COL6A5: variants seen among roughly 807,000 people sequenced by gnomAD.
COL6A5 encodes the protein collagen type VI alpha 5 chain.
COL6A5 carries 48 observed loss-of-function variants against 65.6 expected under a neutral mutation model. The ratio of observed to expected loss-of-function variants is 0.73; its 90% CI spans 0.58 to 0.93. The LOEUF (loss-of-function observed/expected upper bound fraction) is 0.93. COL6A5 is among the 40% of genes least tolerant of loss of function. The pLI, the probability that COL6A5 is intolerant of heterozygous loss-of-function variation, is 0.00. For missense variants in COL6A5, 914 were observed against 928.3 expected (o/e 0.98, Z 0.20); for synonymous variants, 291 against 322.8 (o/e 0.90, Z 1.05).
chr3:130,414,102 T>C, exon 22 of COL6A5: 2 of 1,550,832 alleles, frequency 1.3e-6, no homozygotes, highest in South Asian at 1.2e-5. Context: ...TACAGGCACA[T>C]TGGGAGCTGA....
chr3:130,418,085 G>A (rs1559891671), intron 24 of COL6A5, among the ~76,000 whole-genome samples: 1 of 151,900 alleles, frequency 6.6e-6, no homozygotes, highest in Non-Finnish European at 1.5e-5. Context: ...AACAAGATAA[G>A]GCAATAGATA....
At chr3:130,406,367 C>CAA (rs1376517380) in intron 17 of COL6A5, 46 bp downstream of exon 17, 1 of 1,438,774 alleles carries the variant, frequency 7.0e-7, no homozygotes, top group Admixed American at 2.0e-5. Context: ...AATTTGGTGA[C>CAA]AGAGACAGTC....
chr3:130,484,311 A>C (rs1380300140), exon 8 of COL6A5: 1 of 497,796 alleles, frequency 2.0e-6, no homozygotes, highest in African/African-American at 1.9e-5. Context: ...ACCGACCTAT[A>C]AGAGTTAACT....
At chr3:130,484,170 A>C (rs1710319488) in exon 8 of COL6A5, 2 of 955,586 alleles carry the variant, frequency 2.1e-6, no homozygotes, top group African/African-American at 3.4e-5. Context: ...TTTCACAAAA[A>C]CAATTGGCTA....
chr3:130,449,852 G>A (rs988020558), intron 4 of COL6A5, among the ~76,000 whole-genome samples: 28 of 152,098 alleles, frequency 1.8e-4, no homozygotes, highest in African/African-American at 6.3e-4. Context: ...CTCATCAACG[G>A]AATCAGAATT....
At chr3:130,415,569 G>A in intron 22 of COL6A5, 76 bp from the exon 23 acceptor site, 1 of 1,304,230 alleles carries the variant, frequency 7.7e-7, no homozygotes, top group Non-Finnish European at 1.1e-6. Flanking sequence ...TTTTCTGCAG[G>A]GTGTTTCAAA....
intron 3 of COL6A5, 122 bp from the exon 36 acceptor site, chr3:130,443,354 A>C: frequency 1.5e-6 from 1 of 657,310 alleles, no homozygotes; most frequent in Non-Finnish European, 2.6e-6. Context: ...ACCCCAGCCA[A>C]ATTTTGCTGA....
chr3:130,422,295 G>A (rs2107685367), intron 27 of COL6A5, among the ~76,000 whole-genome samples: 1 of 151,984 alleles, frequency 6.6e-6, no homozygotes, highest in East Asian at 1.9e-4. Flanking sequence ...TGTGAAATAA[G>A]CATGTCGATA....
intron 4 of COL6A5, among the ~76,000 whole-genome samples, chr3:130,381,169 A>G (rs1300302462): frequency 6.6e-6 from 1 of 152,078 alleles, no homozygotes; most frequent in Non-Finnish European, 1.5e-5. Flanking sequence ...GGGAAATGTG[A>G]CCTTTATTTG....
intron 8 of COL6A5, among the ~76,000 whole-genome samples, chr3:130,397,118 C>T (rs547042512): frequency 3.9e-5 from 6 of 152,254 alleles, no homozygotes; most frequent in East Asian, 1.9e-4. Flanking sequence ...CCACCTGCCT[C>T]GGCCTCCTAA....
At chr3:130,371,550 G>C (rs1194308432) in intron 1 of COL6A5, among the ~76,000 whole-genome samples, 1 of 151,860 alleles carries the variant, frequency 6.6e-6, no homozygotes, top group Non-Finnish European at 1.5e-5. Flanking sequence ...TTTGATGAGG[G>C]TGTGAAGACA....
rs933559905 is a variant in COL6A5 at position 130,435,993 on chromosome 3, T to G, written c.488-3529T>G. Among the ~76,000 whole-genome samples the G allele has an allele frequency of 2.0e-5, 3 of 151,810 alleles. No individual in the cohort carries two copies. The South Asian group carries it at 6.2e-4, about 31-fold the overall frequency. On this transcript the variant is annotated intron_variant, in intron 1 of 7. Coordinates refer to ENST00000512836, the Ensembl canonical transcript of COL6A5. ...ATGTTGAACAGGAGTGGTGAGAGAG[T>G]TAGCCTTACCGTTTTCTCCTGGATC...
intron 4 of COL6A5, among the ~76,000 whole-genome samples, chr3:130,381,394 A>T (rs1010406847): frequency 6.6e-6 from 1 of 152,166 alleles, no homozygotes; most frequent in Non-Finnish European, 1.5e-5. Flanking sequence ...TTTTTAAAAC[A>T]TATCTTAAAT....
intron 1 of COL6A5, among the ~76,000 whole-genome samples, chr3:130,351,336 C>G (rs1056993545): frequency 6.6e-6 from 1 of 152,050 alleles, no homozygotes; most frequent in South Asian, 2.1e-4. Context: ...ACTAAAGAGC[C>G]TCTGCACAGC....
chr3:130,440,858 T>A (rs761683938), intron 3 of COL6A5, 33 bp downstream of exon 35: 19 of 1,516,990 alleles, frequency 1.3e-5, no homozygotes, highest in Admixed American at 1.1e-4. Flanking sequence ...GTCTTTTTTT[T>A]AATAAGCTAG....
rs1936826064 is a variant in COL6A5 at position 130,401,801 on chromosome 3, A to G, written c.4174A>G (p.Lys1392Glu). Residue 1392 changes from lysine to glutamate, a missense_variant and NMD_transcript_variant, in exon 12 of 42, where the codon AAA becomes GAA. Transcript: ENST00000312481. ...GAGGACTTGCTGCTGTACATTCTGC[A>G]AATGTCCAGGAATTCCAGGACCTCA... 5 of 1,551,524 alleles carry G rather than the reference A, an allele frequency of 3.2e-6. No homozygotes were observed. In the African/African-American group the frequency reaches 5.5e-5, roughly 17 times the overall value.
chr3:130,391,707 A>G lies in COL6A5; in HGVS notation c.2945A>G (p.Asp982Gly), dbSNP rs11917356. ...GTAGATAATTTTGACAAACTGAAAG[A>G]TGTTTTCACACTTGTTCAAGAACGT... The change falls in exon 7 of 42, where the codon GAT becomes GGT. Residue 982 changes from aspartate (D) to glycine (G), a missense_variant and NMD_transcript_variant. Physicochemically the swap from Asp to Gly is moderately conservative, Grantham distance 94 (BLOSUM62 -1). Transcript: ENST00000312481. 303,663 of 1,550,934 alleles carry G rather than the reference A, an allele frequency of 0.2. 38,889 individuals carry two copies. Among genetic ancestry groups the G allele is most frequent in the East Asian group, 0.65 (26,717 of 40,906 alleles).
rs371734135 is a variant in COL6A5 at position 130,440,790 on chromosome 3, C to T, written c.1208C>T (p.Ala403Val). 5.1e-5 allele frequency: 82 copies of T among 1,612,244 alleles called. No homozygotes were observed. The highest frequency in any genetic ancestry group is 1.0e-4 in the Admixed American group (6 of 59,740). The change falls in exon 3 of 8, where the codon GCG (alanine) becomes GTG (valine). Residue 403 changes from alanine to valine, a missense_variant. Coordinates refer to ENST00000512836, the Ensembl canonical transcript of COL6A5. ...CATAAACCAGATCTGAATTATATTG[C>T]GAAGTTCTTAAAGCCATTTTTATAC... is the stretch of plus-strand genomic sequence containing the variant.
chr3:130,401,754 T>A lies in COL6A5; in HGVS notation c.4135-8T>A. On this transcript the variant is annotated splice_polypyrimidine_tract_variant and splice_region_variant and intron_variant and NMD_transcript_variant, in intron 11 of 41. Coordinates refer to the COL6A5 transcript ENST00000312481. ...GCTATTCCCTCAGCTTTACTTTTTTTCCCCCAGGGAAATATTGCAGAGAGG... is the reference window on the plus strand; with the variant it reads ...GCTATTCCCTCAGCTTTACTTTTTTACCCCCAGGGAAATATTGCAGAGAGG... 6.5e-7 allele frequency: 1 copy of A among 1,548,092 alleles called. No individual in the cohort carries two copies. Among genetic ancestry groups the A allele is most frequent in the Non-Finnish European group, 8.7e-7 (1 of 1,143,828 alleles).
Sources: gnomAD v4.1 joint callset for allele counts (sites outside exome capture counted in the v4.1 genomes callset) on GRCh38, gnomAD v4.1.1 for gene constraint, MANE v1.5 for transcripts, NCBI Gene and HGNC (gene_info 2026-07-23, HGNC 2026-07-21) for gene names.